Variants in ARK2N observed in about 807,000 individuals in gnomAD.
ARK2N encodes the protein arkadia (RNF111) N-terminal like PKA signaling regulator 2N, also known as protein ARK2N.
At chr18:46,247,520 G>C in the ARK2N span, among the ~76,000 whole-genome samples, 1 of 152,166 alleles carries the variant, frequency 6.6e-6, no homozygotes, top group Non-Finnish European at 1.5e-5. Flanking sequence ...GAAGAGTTTG[G>C]TTATAGTGAT....
At chr18:46,238,300 T>C in the ARK2N span, among the ~76,000 whole-genome samples, 1 of 152,160 alleles carries the variant, frequency 6.6e-6, no homozygotes, top group East Asian at 1.9e-4. Flanking sequence ...CCTTAAAAAA[T>C]AGAACATATG....
chr18:46,178,289 T>C, the ARK2N span, among the ~76,000 whole-genome samples: 1 of 152,204 alleles, frequency 6.6e-6, no homozygotes, highest in Admixed American at 6.5e-5. Context: ...ATGTGAAGAA[T>C]GAGATAGGCA....
chr18:46,213,888 G>A, the ARK2N span, among the ~76,000 whole-genome samples: 1 of 151,996 alleles, frequency 6.6e-6, no homozygotes, highest in Non-Finnish European at 1.5e-5. Context: ...GTAGAGACGG[G>A]GTTTCACCAT....
At chr18:46,191,523 C>G in the ARK2N span, among the ~76,000 whole-genome samples, 1 of 152,030 alleles carries the variant, frequency 6.6e-6, no homozygotes. Context: ...AGGGTTCACT[C>G]TTTTTGTATT....
the ARK2N span, among the ~76,000 whole-genome samples, chr18:46,229,867 G>A: frequency 6.6e-6 from 1 of 152,010 alleles, no homozygotes; most frequent in African/African-American, 2.4e-5. Context: ...GCCTCCCAAA[G>A]TGCTGGGATT....
chr18:46,257,331 T>C, the ARK2N span, among the ~76,000 whole-genome samples: 1,545 of 152,246 alleles, frequency 0.01, 27 homozygotes, highest in African/African-American at 0.035. Flanking sequence ...CCCCCTCCTT[T>C]TTTGATAGTT....
chr18:46,182,063 A>G, the ARK2N span, among the ~76,000 whole-genome samples: 42 of 152,352 alleles, frequency 2.8e-4, no homozygotes, highest in East Asian at 8.1e-3. Flanking sequence ...CCTTATAATT[A>G]GAGAAAGGTA....
At chr18:46,182,481 C>T in the ARK2N span, among the ~76,000 whole-genome samples, 1 of 152,138 alleles carries the variant, frequency 6.6e-6, no homozygotes, top group Non-Finnish European at 1.5e-5. Flanking sequence ...TGGTAGCTCA[C>T]ACCTGTAATC....
chr18:46,237,207 T>C, the ARK2N span, among the ~76,000 whole-genome samples: 7 of 152,210 alleles, frequency 4.6e-5, no homozygotes, highest in East Asian at 1.4e-3. Context: ...TCCTCCCTAG[T>C]GATTTTTTTT....
At chr18:46,183,739 CATTGTCTAT>C in the ARK2N span, among the ~76,000 whole-genome samples, 1 of 151,924 alleles carries the variant, frequency 6.6e-6, no homozygotes, top group Non-Finnish European at 1.5e-5. Context: ...GCATTGTCTG[CATTGTCTAT>C]GCTGCAGCTT....
At chr18:46,180,124 T>G in the ARK2N span, among the ~76,000 whole-genome samples, 2 of 152,228 alleles carry the variant, frequency 1.3e-5, no homozygotes, top group African/African-American at 4.8e-5. Context: ...TTACAGTGTT[T>G]TAAGTTTTGT....
At chr18:46,222,721 C>T in the ARK2N span, among the ~76,000 whole-genome samples, 2 of 152,124 alleles carry the variant, frequency 1.3e-5, no homozygotes, top group Non-Finnish European at 2.9e-5. Context: ...GATTTTGCTT[C>T]TAGAGCAGTT....
the ARK2N span, among the ~76,000 whole-genome samples, chr18:46,204,449 CCTT>C: frequency 1.3e-5 from 2 of 152,218 alleles, no homozygotes; most frequent in South Asian, 4.1e-4. Flanking sequence ...AAAACATTGA[CCTT>C]CTTTAAAGTT....
At chr18:46,179,035 T>C in the ARK2N span, among the ~76,000 whole-genome samples, 1 of 152,084 alleles carries the variant, frequency 6.6e-6, no homozygotes, top group African/African-American at 2.4e-5. Flanking sequence ...CTCTGCCTCC[T>C]GGGTTCAAGT....
At chr18:46,237,364 G>C in the ARK2N span, among the ~76,000 whole-genome samples, 1 of 149,410 alleles carries the variant, frequency 6.7e-6, no homozygotes, top group Admixed American at 6.7e-5. Flanking sequence ...TAGTAGCTCA[G>C]AGTGCAAATC....
At chr18:46,213,348 G>C in the ARK2N span, among the ~76,000 whole-genome samples, 12 of 152,012 alleles carry the variant, frequency 7.9e-5, no homozygotes, top group Non-Finnish European at 1.0e-4. Context: ...CTCCATAATA[G>C]AATTAACTCT....
At chr18:46,252,972 A>G in the ARK2N span, among the ~76,000 whole-genome samples, 1 of 152,216 alleles carries the variant, frequency 6.6e-6, no homozygotes, top group Non-Finnish European at 1.5e-5. Flanking sequence ...TACATCCCCC[A>G]GTGCCACAAA....
chr18:46,179,912 A>C, the ARK2N span, among the ~76,000 whole-genome samples: 1 of 152,222 alleles, frequency 6.6e-6, no homozygotes, highest in Non-Finnish European at 1.5e-5. Flanking sequence ...GGTGTGAGCC[A>C]CTGCGCCCGG....
chr18:46,223,261 T>C, the ARK2N span, among the ~76,000 whole-genome samples: 1 of 152,352 alleles, frequency 6.6e-6, no homozygotes, highest in Middle Eastern at 3.4e-3. Context: ...ATACTAACCT[T>C]TGGGGAAAGG....
Sources: gnomAD v4.1 joint callset for allele counts (sites outside exome capture counted in the v4.1 genomes callset) on GRCh38, gnomAD v4.1.1 for gene constraint, MANE v1.5 for transcripts, NCBI Gene and HGNC (gene_info 2026-07-23, HGNC 2026-07-21) for gene names.